PADI1: variants seen among roughly 807,000 people sequenced by gnomAD.
PADI1 encodes the protein peptidyl arginine deiminase 1.
In PADI1, 65 loss-of-function variants were observed where a neutral mutation model predicts 74.8. The observed-to-expected ratio is 0.87, with a 90% CI of 0.71 to 1.07. The LOEUF (loss-of-function observed/expected upper bound fraction) is 1.07, where lower values mean the gene tolerates loss of function less well. PADI1 is among the 50% of genes least tolerant of loss of function. The pLI, the probability that PADI1 is intolerant of heterozygous loss-of-function variation, is 0.00. For missense variants in PADI1, 943 were observed against 854.0 expected (o/e 1.10, Z -1.30); for synonymous variants, 371 against 336.2 (o/e 1.10, Z -1.13).
intron 2 of PADI1, among the ~76,000 whole-genome samples, chr1:17,222,860 C>A (rs1266889589): frequency 6.6e-6 from 1 of 152,212 alleles, no homozygotes; most frequent in Non-Finnish European, 1.5e-5. Context: ...ACGTCCACAT[C>A]TTTGTGTGCA....
At chr1:17,233,019 C>T (rs773549087) in intron 11 of PADI1, 49 bp downstream of exon 11, 17 of 1,483,914 alleles carry the variant, frequency 1.1e-5, no homozygotes, top group Non-Finnish European at 1.5e-5. Context: ...ATGACTGCAG[C>T]ATCCACCCTC....
chr1:17,240,000 G>C, intron 14 of PADI1: 1 of 547,988 alleles, frequency 1.8e-6, no homozygotes, highest in South Asian at 2.4e-5. Context: ...GCCTAATGAG[G>C]GAGACCCGGC....
chr1:17,216,731 G>A (rs903461990), intron 1 of PADI1, among the ~76,000 whole-genome samples: 5 of 152,120 alleles, frequency 3.3e-5, no homozygotes, highest in African/African-American at 9.6e-5. Flanking sequence ...ATTAGCTGGC[G>A]TGGTGGTGAG....
chr1:17,242,405 T>C (rs2072795874), intron 15 of PADI1, among the ~76,000 whole-genome samples: 2 of 152,280 alleles, frequency 1.3e-5, no homozygotes, highest in Non-Finnish European at 2.9e-5. Flanking sequence ...TGTAACTTTA[T>C]GTAAGTTTAA....
At chr1:17,236,202 A>G (rs941819563) in intron 11 of PADI1, among the ~76,000 whole-genome samples, 1 of 152,220 alleles carries the variant, frequency 6.6e-6, no homozygotes, top group Non-Finnish European at 1.5e-5. Flanking sequence ...GAAACAGACA[A>G]TAAGTGAACA....
chr1:17,217,200 G>A lies in PADI1; in HGVS notation c.93-5090G>A, dbSNP rs535532255. Among the ~76,000 whole-genome samples the A allele has an allele frequency of 2.6e-5, 4 of 152,246 alleles. No individual in the cohort carries two copies. In the South Asian group the frequency reaches 8.3e-4, roughly 32 times the overall value. ...CACATTTCAGAACTTGTTGGGGTGG[G>A]GCGGAACCACACATGGGCTCAGGGG... On this transcript the variant is annotated intron_variant, in intron 1 of 15. Transcript: ENST00000375471.
chr1:17,239,573 T>G (rs2072728663), intron 13 of PADI1, 131 bp from the exon 14 acceptor site: 3 of 684,088 alleles, frequency 4.4e-6, no homozygotes, highest in Admixed American at 2.3e-5. Flanking sequence ...GTCTCTGGCT[T>G]TCTCTGTCCT....
At chr1:17,238,499 C>T (rs2072701885) in intron 12 of PADI1, 117 bp from the exon 13 acceptor site, 2 of 443,008 alleles carry the variant, frequency 4.5e-6, no homozygotes, top group South Asian at 7.5e-5. Flanking sequence ...GGGGTGTAGA[C>T]CGAGTGGGAG....
chr1:17,215,036 C>A (rs914261178), intron 1 of PADI1, among the ~76,000 whole-genome samples: 2 of 152,166 alleles, frequency 1.3e-5, no homozygotes, highest in African/African-American at 4.8e-5. Context: ...TGATGGGAAC[C>A]AAGTCTTGAA....
chr1:17,230,668 A>C lies in PADI1; in HGVS notation c.1150A>C (p.Lys384Gln). ...CAGGGGCCTGAAAGATTTCCCCTAT[A>C]AGAGGATCCTGGTACGTAGCGACAG... Reference protein sequence around the residue: ...RNRGLKDFPYKRILGPDFGYV... With the variant: ...RNRGLKDFPYQRILGPDFGYV... The change falls in exon 10 of 16, where the codon AAG becomes CAG. Residue 384 changes from lysine (K) to glutamine (Q), a missense_variant. Lys to Gln is a moderately conservative substitution (Grantham distance 53, BLOSUM62 1). Coordinates refer to ENST00000375471, the MANE Select transcript of PADI1 (RefSeq NM_013358.3). The C allele has an allele frequency of 6.3e-7, 1 of 1,598,824 alleles. No homozygotes were observed. Among genetic ancestry groups the C allele is most frequent in the Non-Finnish European group, 8.6e-7 (1 of 1,167,344 alleles).
chr1:17,228,482 C>G, intron 6 of PADI1, 143 bp from the exon 7 acceptor site: 1 of 767,248 alleles, frequency 1.3e-6, no homozygotes. Context: ...AGTCATTGAG[C>G]TAAGGCCATG....
intron 12 of PADI1, among the ~76,000 whole-genome samples, chr1:17,238,091 C>T (rs1569847027): frequency 6.6e-6 from 1 of 152,342 alleles, no homozygotes; most frequent in South Asian, 2.1e-4. Flanking sequence ...CTCTGTTGCC[C>T]AGGCTGGAGT....
At chr1:17,222,005 G>T (rs12042390) in intron 1 of PADI1, among the ~76,000 whole-genome samples, 7,962 of 152,320 alleles carry the variant, frequency 0.052, 257 homozygotes, top group South Asian at 0.1. Context: ...GTCAGTGGAG[G>T]TGGTGAGAGG....
At position 17,244,411 on chromosome 1, in the gene PADI1, G is replaced by A. The variant is rs149793546; in HGVS notation, c.*168G>A. The A allele has an allele frequency of 1.6e-4, 113 of 697,512 alleles. No homozygotes were observed. In the East Asian group the frequency reaches 2.7e-3, roughly 17 times the overall value. 43.2% of individuals were successfully genotyped at this position (697,512 alleles called of 1,614,324 possible). On this transcript the variant is annotated 3_prime_UTR_variant, in exon 16 of 16. Transcript: ENST00000375471. The stretch of plus-strand genomic sequence containing the variant: ...ACAGGGATGGATACCACCTACCCTC[G>A]CCTCTGGAATGGCCTACCCAACCCG...
Position 17,224,367 on chromosome 1 carries a change from A to T in PADI1, c.347A>T (p.Asp116Val). Residue 116 changes from aspartate to valine, a missense_variant and splice_region_variant, in exon 4 of 16, where the codon GAT becomes GTT. Physicochemically the swap from Asp to Val is radical, Grantham distance 152. Coordinates refer to ENST00000375471, the MANE Select transcript of PADI1 (RefSeq NM_013358.3). ...GRSVLYLTGV[D>V]ISLEVDTGRT... ...GCAGCCCCTCTCCATCTCTTTGCAGATATTTCCCTTGAGGTTGACACAGGC... is the reference window on the plus strand; with the variant it reads ...GCAGCCCCTCTCCATCTCTTTGCAGTTATTTCCCTTGAGGTTGACACAGGC... 6.2e-7 allele frequency: 1 copy of T among 1,613,750 alleles called. No homozygotes were observed. The highest frequency in any genetic ancestry group is 8.5e-7 in the Non-Finnish European group (1 of 1,179,760).
At chr1:17,242,360 C>T (rs917698213) in intron 15 of PADI1, among the ~76,000 whole-genome samples, 2 of 152,238 alleles carry the variant, frequency 1.3e-5, no homozygotes, top group African/African-American at 4.8e-5. Flanking sequence ...CAGCTACCAC[C>T]TGAAATGTGG....
chr1:17,222,118 C>T (rs2072169867), intron 1 of PADI1, among the ~76,000 whole-genome samples, 172 bp from the exon 2 acceptor site: 1 of 152,200 alleles, frequency 6.6e-6, no homozygotes, highest in Non-Finnish European at 1.5e-5. Flanking sequence ...ACCATCTATG[C>T]CCTGGCTTCC....
At chr1:17,226,499 G>GA (rs1288309933) in intron 6 of PADI1, among the ~76,000 whole-genome samples, 3 of 152,170 alleles carry the variant, frequency 2.0e-5, no homozygotes, top group African/African-American at 7.2e-5. Flanking sequence ...AGCGTGGACT[G>GA]AACTGCATGC....
Position 17,244,302 on chromosome 1 carries a change from G to A in PADI1, c.*59G>A. 7.5e-7 allele frequency: 1 copy of A among 1,336,306 alleles called. No homozygotes were observed. The highest frequency in any genetic ancestry group is 1.1e-6 in the Non-Finnish European group (1 of 927,528). The allele number at this position is 1,336,306 out of a possible 1,614,324, so 82.8% of individuals were successfully genotyped here. ...TGCTAGGGAACCCTGCCAGGGTGAA[G>A]GCAAGGAACAACCACCTGGCCTCCA... On this transcript the variant is annotated 3_prime_UTR_variant, in exon 16 of 16. Coordinates refer to ENST00000375471, the MANE Select transcript of PADI1 (RefSeq NM_013358.3).
Sources: allele counts gnomAD v4.1 joint callset (sites outside exome capture counted in the v4.1 genomes callset), GRCh38; gene constraint gnomAD v4.1.1; transcripts MANE v1.5; gene names NCBI Gene and HGNC (gene_info 2026-07-23, HGNC 2026-07-21).